NCAM1: variants seen among roughly 807,000 people sequenced by gnomAD.
NCAM1 encodes antigen recognized by monoclonal antibody 5.1H11.
In NCAM1, 14 loss-of-function variants were observed where a neutral mutation model predicts 109.8. The observed-to-expected ratio is 0.13, with a 90% CI of 0.08 to 0.20. The LOEUF (loss-of-function observed/expected upper bound fraction) is 0.20. Among genes scored for constraint, NCAM1 ranks in the 10% least tolerant of loss-of-function variants. The pLI, the probability that NCAM1 is intolerant of heterozygous loss-of-function variation, is 1.00. For missense variants in NCAM1, 774 were observed against 1,109.9 expected (o/e 0.70, Z 4.30); for synonymous variants, 418 against 442.9 (o/e 0.94, Z 0.70).
At chr11:113,272,715 C>T (rs1203813087) in intron 19 of NCAM1, among the ~76,000 whole-genome samples, 3 of 152,076 alleles carry the variant, frequency 2.0e-5, no homozygotes, top group African/African-American at 7.2e-5. Flanking sequence ...CTTTTGAGAC[C>T]GCCACGTTCT....
chr11:113,145,165 C>A (rs782221457), intron 1 of NCAM1, among the ~76,000 whole-genome samples: 1 of 152,160 alleles, frequency 6.6e-6, no homozygotes, highest in African/African-American at 2.4e-5. Flanking sequence ...ATTTTACTGA[C>A]CCCAGAAATG....
chr11:113,193,166 AT>A (rs781814038), intron 1 of NCAM1, among the ~76,000 whole-genome samples: 51 of 152,348 alleles, frequency 3.3e-4, no homozygotes, highest in Non-Finnish European at 5.3e-4. Context: ...TCTGGAAAGC[AT>A]TCTCGTCTTC....
At chr11:113,248,136 G>A (rs1945555425) in intron 15 of NCAM1, among the ~76,000 whole-genome samples, 1 of 151,850 alleles carries the variant, frequency 6.6e-6, no homozygotes, top group South Asian at 2.1e-4. Context: ...TTTTAAGCCA[G>A]GGCAAGAAAT....
intron 15 of NCAM1, among the ~76,000 whole-genome samples, chr11:113,249,218 C>T (rs1386115336): frequency 6.6e-6 from 1 of 152,204 alleles, no homozygotes. Flanking sequence ...CATCACTAAC[C>T]ACCCCTTCCA....
intron 1 of NCAM1, among the ~76,000 whole-genome samples, chr11:113,034,954 ACT>A (rs1384649128): frequency 6.6e-6 from 1 of 152,152 alleles, no homozygotes; most frequent in African/African-American, 2.4e-5. Flanking sequence ...CGTTAAGAAG[ACT>A]CTGTTAATAA....
At chr11:113,135,439 T>C (rs1217354509) in intron 1 of NCAM1, among the ~76,000 whole-genome samples, 1 of 152,098 alleles carries the variant, frequency 6.6e-6, no homozygotes. Context: ...GGAAGTGCGA[T>C]GTGTTGAGCC....
chr11:113,203,317 A>G (rs1944129011), intron 2 of NCAM1, among the ~76,000 whole-genome samples: 1 of 152,194 alleles, frequency 6.6e-6, no homozygotes, highest in Non-Finnish European at 1.5e-5. Context: ...AGCAATTTCA[A>G]TGATCTGGAG....
intron 1 of NCAM1, among the ~76,000 whole-genome samples, chr11:113,123,287 A>G (rs1001850528): frequency 2.0e-5 from 3 of 152,350 alleles, no homozygotes; most frequent in Admixed American, 6.5e-5. Flanking sequence ...TGATCATTAC[A>G]TATTGTATGT....
At chr11:113,160,870 G>T (rs1942578343) in intron 1 of NCAM1, among the ~76,000 whole-genome samples, 1 of 152,194 alleles carries the variant, frequency 6.6e-6, no homozygotes, top group African/African-American at 2.4e-5. Flanking sequence ...ACAAGGTTAA[G>T]TCAGCCATAA....
chr11:113,032,106 A>T (rs1952739211), intron 1 of NCAM1, among the ~76,000 whole-genome samples: 1 of 151,902 alleles, frequency 6.6e-6, no homozygotes, highest in South Asian at 2.1e-4. Context: ...CATCCATCTA[A>T]TTTTTTTGTT....
At chr11:113,026,925 C>G (rs76915667) in intron 1 of NCAM1, among the ~76,000 whole-genome samples, 5,252 of 152,290 alleles carry the variant, frequency 0.034, 425 homozygotes, top group East Asian at 0.14. Context: ...CCAGTTCCCT[C>G]TCTTCCAGGG....
At chr11:113,215,886 G>A (rs1399935403) in intron 8 of NCAM1, among the ~76,000 whole-genome samples, 2 of 152,152 alleles carry the variant, frequency 1.3e-5, no homozygotes, top group African/African-American at 4.8e-5. Flanking sequence ...ACATTTCAGG[G>A]CTTAAACCAC....
At position 113,041,846 on chromosome 11, in the gene NCAM1, C is replaced by G. The variant is rs542803031; in HGVS notation, c.52+80182C>G. Among the ~76,000 whole-genome samples, 22 of 152,238 alleles carry G rather than the reference C, an allele frequency of 1.4e-4. 1 individual carries two copies. Among genetic ancestry groups the G allele is most frequent in the Admixed American group, 1.3e-3 (20 of 15,296 alleles). Reference sequence around the variant, plus strand: ...CCACTCTTCCCCAGAAACACTTTACCCCTTTACCTGTCCCTCTGTCCCTCT... The same window carrying G: ...CCACTCTTCCCCAGAAACACTTTACGCCTTTACCTGTCCCTCTGTCCCTCT... On this transcript the variant is annotated intron_variant, in intron 1 of 19. Transcript: ENST00000316851.
chr11:113,275,295 T>A lies in NCAM1; in HGVS notation c.2485T>A (p.Cys829Ser). Residue 829 changes from cysteine to serine, a missense_variant, in exon 20 of 20, where the codon TGC becomes AGC. By Grantham distance (112) the Cys-to-Ser change is moderately radical. This residue lies in a region of NCAM1 where 122 missense variants were observed against 129.7 expected (regional missense o/e 0.94). Coordinates refer to ENST00000316851, the MANE Select transcript of NCAM1 (RefSeq NM_181351.5). The part of the protein sequence containing the change: ...EKGPVEAKPE[C>S]QETETKPAPA... Reference sequence around the variant, plus strand: ...GGGCCCCGTAGAAGCAAAGCCAGAGTGCCAGGAGACAGAAACGAAGCCAGC... The same window carrying A: ...GGGCCCCGTAGAAGCAAAGCCAGAGAGCCAGGAGACAGAAACGAAGCCAGC... The A allele has an allele frequency of 6.2e-7, 1 of 1,613,288 alleles. No individual in the cohort carries two copies. Among genetic ancestry groups the A allele is most frequent in the Non-Finnish European group, 8.5e-7 (1 of 1,179,728 alleles).
At chr11:113,071,486 C>G (rs889717760) in intron 1 of NCAM1, among the ~76,000 whole-genome samples, 1 of 144,280 alleles carries the variant, frequency 6.9e-6, no homozygotes, top group Non-Finnish European at 1.5e-5. Flanking sequence ...AGTGCAGTGG[C>G]TCTATCTAGG....
intron 1 of NCAM1, among the ~76,000 whole-genome samples, chr11:113,148,057 T>G (rs1000277987): frequency 3.9e-5 from 6 of 152,254 alleles, no homozygotes; most frequent in Admixed American, 3.9e-4. Flanking sequence ...TGCATATTTT[T>G]TGAGTACCAC....
Position 113,116,830 on chromosome 11 carries a change from G to A in NCAM1, c.53-85549G>A, listed in dbSNP as rs1555094985. On this transcript the variant is annotated intron_variant, in intron 1 of 19. Coordinates refer to ENST00000316851, the MANE Select transcript of NCAM1 (RefSeq NM_181351.5). ...AGGTGCCACTGTGTTTTGGGAAAGGGTCCAAAGAGTAGAATAAGATCTAGT... is the reference window on the plus strand; with the variant it reads ...AGGTGCCACTGTGTTTTGGGAAAGGATCCAAAGAGTAGAATAAGATCTAGT... Among the ~76,000 whole-genome samples, 3 of 151,728 alleles carry A rather than the reference G, an allele frequency of 2.0e-5. No homozygotes were observed. The East Asian group carries it at 5.8e-4, about 29-fold the overall frequency.
chr11:113,073,746 G>A (rs908794046), intron 1 of NCAM1, among the ~76,000 whole-genome samples: 1 of 152,198 alleles, frequency 6.6e-6, no homozygotes, highest in South Asian at 2.1e-4. Context: ...GTCAGCTGGT[G>A]GTGTGGAGGT....
At chr11:113,231,434 A>G (rs1203684053) in intron 9 of NCAM1, 11 of 955,638 alleles carry the variant, frequency 1.2e-5, no homozygotes, top group Non-Finnish European at 1.7e-5. Flanking sequence ...TCTGTTTCGG[A>G]TACTCCCAGG....
Sources: gnomAD v4.1 joint callset for allele counts (sites outside exome capture counted in the v4.1 genomes callset) on GRCh38, gnomAD v4.1.1 for gene constraint, gnomAD v4.1.1 regional missense constraint, MANE v1.5 for transcripts, NCBI Gene and HGNC (gene_info 2026-07-23, HGNC 2026-07-21) for gene names.